The following ATF7IP variants were observed in gnomAD, a reference collection of about 807,000 sequenced individuals.
The protein encoded by ATF7IP is activating transcription factor 7 interacting protein.
A neutral mutation model predicts 106.4 loss-of-function variants in ATF7IP; 23 were observed. The ratio of observed to expected loss-of-function variants is 0.22; its 90% CI spans 0.16 to 0.31. The LOEUF (loss-of-function observed/expected upper bound fraction) is 0.31. Among genes scored for constraint, ATF7IP ranks in the 10% least tolerant of loss-of-function variants. The pLI is 1.00. For synonymous variants in ATF7IP, 542 were observed against 539.0 expected, an observed-to-expected ratio of 1.01 and a Z score of -0.08; for missense variants, 1,334 against 1,524.3, an observed-to-expected ratio of 0.88 and a Z score of 2.08.
intron 1 of ATF7IP, chr12:14,420,266 T>A (rs1184995827): frequency 6.6e-6 from 1 of 152,208 alleles, no homozygotes; most frequent in African/African-American, 2.4e-5. Context: ...GGGGCACTTC[T>A]ATTCTTGGGT....
At chr12:14,442,952 C>G (rs1171944006) in intron 5 of ATF7IP, among the ~76,000 whole-genome samples, 2 of 152,026 alleles carry the variant, frequency 1.3e-5, no homozygotes, top group Non-Finnish European at 2.9e-5. Flanking sequence ...GTCAGGAGTT[C>G]GAGACCAGCC....
rs763817369 is a variant in ATF7IP, at chr12:14,425,098, G to C, written c.1183G>C (p.Gly395Arg). Reference protein sequence around the residue: ...AISSSMEIDQGEKNEDETSAD... With the variant: ...AISSSMEIDQREKNEDETSAD... ...ATCTAGCAGTATGGAAATTGACCAA[G>C]GTGAAAAGAATGAAGATGAAACTTC... Residue 395 changes from glycine (G) to arginine (R), a missense_variant, in exon 2 of 15, where the codon GGT becomes CGT. Transcript: ENST00000261168. 1 of 1,589,042 alleles carries C rather than the reference G, an allele frequency of 6.3e-7. No individual in the cohort carries two copies. The highest frequency in any genetic ancestry group is 2.2e-5 in the East Asian group (1 of 44,764).
At chr12:14,402,002 G>A (rs1469717138) in intron 1 of ATF7IP, among the ~76,000 whole-genome samples, 1 of 151,510 alleles carries the variant, frequency 6.6e-6, no homozygotes, top group Non-Finnish European at 1.5e-5. Flanking sequence ...GTGAGCCACC[G>A]CGCCTGGCCT....
chr12:14,400,858 CTCTT>C (rs556128242), intron 1 of ATF7IP, among the ~76,000 whole-genome samples: 221 of 152,230 alleles, frequency 1.5e-3, no homozygotes, highest in African/African-American at 5.1e-3. Flanking sequence ...AATGTATTTT[CTCTT>C]TCTGTTTTGT....
intron 1 of ATF7IP, among the ~76,000 whole-genome samples, chr12:14,410,539 A>G (rs866836097): frequency 3.3e-5 from 5 of 152,170 alleles, no homozygotes; most frequent in East Asian, 1.9e-4. Flanking sequence ...GGATATGCCA[A>G]AGAGAAGCTG....
rs866676053 is a variant in ATF7IP, at chr12:14,489,195, A to G, written c.3281-7036A>G. 5.9e-5 allele frequency among the ~76,000 whole-genome samples: 9 copies of G among 152,184 alleles called. No homozygotes were observed. In the South Asian group the frequency reaches 1.9e-3, roughly 31 times the overall value. ...CTCAATCACAGGGCATGGTAATACT[A>G]ACAGACGCCTTAATGGATCTCCTGT... On this transcript the variant is annotated intron_variant, in intron 13 of 14. Transcript: ENST00000261168.
At chr12:14,476,987 C>T (rs904529678) in intron 11 of ATF7IP, among the ~76,000 whole-genome samples, 1 of 152,036 alleles carries the variant, frequency 6.6e-6, no homozygotes, top group East Asian at 1.9e-4. Context: ...TTCTCTGAGC[C>T]TTTACTATGC....
At position 14,444,586 on chromosome 12, in the gene ATF7IP, A is replaced by G. The variant is rs376587955; in HGVS notation, c.1930-2402A>G. Among the ~76,000 whole-genome samples the G allele has an allele frequency of 4.6e-5, 7 of 152,306 alleles. No homozygotes were observed. In the East Asian group the frequency reaches 1.2e-3, roughly 25 times the overall value. Reference sequence around the variant, plus strand: ...GCCATTCTTAGACACAGTATGGCAGATATTTTGAATTATAATTAAAAAAGA... The same window carrying G: ...GCCATTCTTAGACACAGTATGGCAGGTATTTTGAATTATAATTAAAAAAGA... On this transcript the variant is annotated intron_variant, in intron 5 of 14. Coordinates refer to ENST00000261168, the MANE Select transcript of ATF7IP (RefSeq NM_018179.5).
intron 1 of ATF7IP, among the ~76,000 whole-genome samples, chr12:14,375,412 C>A (rs529108108): frequency 6.6e-6 from 1 of 151,702 alleles, no homozygotes; most frequent in African/African-American, 2.4e-5. Context: ...GAAGAACCTA[C>A]GTATGTAAAT....
At chr12:14,478,584 G>A in intron 12 of ATF7IP, 112 bp downstream of exon 12, 1 of 1,254,048 alleles carries the variant, frequency 8.0e-7, no homozygotes, top group South Asian at 1.4e-5. Context: ...TTGTTAATTT[G>A]AGGACTACAG....
chr12:14,398,907 C>T (rs879381210), intron 1 of ATF7IP, among the ~76,000 whole-genome samples: 3 of 151,988 alleles, frequency 2.0e-5, no homozygotes, highest in Non-Finnish European at 2.9e-5. Flanking sequence ...AGGTATGTCT[C>T]GTTTATAGTG....
At chr12:14,428,239 A>G (rs1565503351) in intron 2 of ATF7IP, among the ~76,000 whole-genome samples, 1 of 152,232 alleles carries the variant, frequency 6.6e-6, no homozygotes, top group Non-Finnish European at 1.5e-5. Context: ...AGGGCATCCC[A>G]CACAAGGCAG....
At chr12:14,457,850 T>C (rs1025044659) in intron 8 of ATF7IP, among the ~76,000 whole-genome samples, 3 of 152,150 alleles carry the variant, frequency 2.0e-5, no homozygotes, top group Non-Finnish European at 2.9e-5. Context: ...ATCCCAGGAC[T>C]TTGAGAGGCT....
intron 1 of ATF7IP, among the ~76,000 whole-genome samples, chr12:14,394,664 T>C (rs1939741798): frequency 6.6e-6 from 1 of 152,216 alleles, no homozygotes; most frequent in East Asian, 1.9e-4. Flanking sequence ...CTGTTTGGAA[T>C]GTATAAGAAT....
intron 1 of ATF7IP, among the ~76,000 whole-genome samples, chr12:14,391,806 C>T (rs112140239): frequency 0.1 from 15,691 of 152,192 alleles, 996 homozygotes; most frequent in African/African-American, 0.18. Context: ...ACTTCAACCT[C>T]CGCCTCCCAG....
At chr12:14,409,801 G>A (rs1461570503) in intron 1 of ATF7IP, among the ~76,000 whole-genome samples, 4 of 151,970 alleles carry the variant, frequency 2.6e-5, no homozygotes, top group African/African-American at 7.2e-5. Flanking sequence ...ACCAACACTC[G>A]GTTCTCTTGG....
At chr12:14,457,375 G>T in intron 8 of ATF7IP, 80 bp downstream of exon 8, 1 of 1,078,282 alleles carries the variant, frequency 9.3e-7, no homozygotes, top group South Asian at 1.6e-5. Context: ...TTCTTTTGAG[G>T]TTGAAATGGA....
intron 1 of ATF7IP, among the ~76,000 whole-genome samples, chr12:14,405,403 C>CTTTTTTT (rs145211652): frequency 3.9e-4 from 33 of 83,570 alleles, no homozygotes; most frequent in East Asian, 8.9e-4. Flanking sequence ...TTTCTTTCAT[C>CTTTTTTT]TTTTTTTTTT....
chr12:14,494,769 C>T (rs113600529), intron 13 of ATF7IP, among the ~76,000 whole-genome samples: 3 of 151,142 alleles, frequency 2.0e-5, no homozygotes, highest in African/African-American at 7.3e-5. Context: ...CTCATCCCTA[C>T]CAAAAATACA....
Sources: allele counts gnomAD v4.1 joint callset (sites outside exome capture counted in the v4.1 genomes callset), GRCh38; gene constraint gnomAD v4.1.1; transcripts MANE v1.5; gene names NCBI Gene and HGNC (gene_info 2026-07-23, HGNC 2026-07-21).